Variants in FIGNL2 observed in about 807,000 individuals in gnomAD.
FIGNL2 encodes the protein fidgetin like 2.
For synonymous variants in FIGNL2, 565 were observed against 484.0 expected (o/e 1.17, Z -2.20); for missense variants, 1,060 against 950.2 (o/e 1.12, Z -1.52).
chr12:51,834,090 C>CAGACGGATGGGTGGATGGTT (rs1939532222), intron 1 of FIGNL2, among the ~76,000 whole-genome samples: 6 of 132,688 alleles, frequency 4.5e-5, no homozygotes, highest in Non-Finnish European at 8.1e-5. Context: ...GACAGACAGA[C>CAGACGGATGGGTGGATGGTT]GGATGGGTGG....
intron 1 of FIGNL2, chr12:51,847,252 G>A (rs1193429122): frequency 9.1e-6 from 9 of 985,318 alleles, no homozygotes; most frequent in Non-Finnish European, 1.1e-5. Context: ...AGGGTCAGAG[G>A]GTTTCGCACC....
intron 1 of FIGNL2, among the ~76,000 whole-genome samples, chr12:51,834,913 C>T (rs1427523354): frequency 1.3e-5 from 2 of 152,210 alleles, no homozygotes; most frequent in Non-Finnish European, 2.9e-5. Flanking sequence ...TTATTCTCCC[C>T]ATTTTATAGA....
chr12:51,824,809 C>T (rs682988), intron 1 of FIGNL2, among the ~76,000 whole-genome samples: 2 of 152,028 alleles, frequency 1.3e-5, no homozygotes, highest in African/African-American at 4.8e-5. Flanking sequence ...TTTAGGAGGC[C>T]GAGGCTGGTG....
At chr12:51,830,580 C>G (rs919880590) in intron 1 of FIGNL2, among the ~76,000 whole-genome samples, 1 of 150,168 alleles carries the variant, frequency 6.7e-6, no homozygotes, top group Non-Finnish European at 1.5e-5. Flanking sequence ...CAACCTCCCC[C>G]TCCTGAGTTC....
rs768747527 is a variant in FIGNL2 at position 51,822,134 on chromosome 12, C to T, written c.280G>A (p.Gly94Arg). ...SDASFLNGAK[G>R]DPEPWPGPEP... ...GGCCCTGGCCAGGGCTCGGGATCCC[C>T]TTTGGCGCCGTTGAGGAAGGAGGCG... is the stretch of plus-strand genomic sequence containing the variant. Residue 94 changes from glycine to arginine, a missense_variant, in exon 2 of 2, where the codon GGG becomes AGG. Coordinates refer to ENST00000618634, the MANE Select transcript of FIGNL2 (RefSeq NM_001384995.1). 2 of 1,611,126 alleles carry T rather than the reference C, an allele frequency of 1.2e-6. No homozygotes were observed. Among genetic ancestry groups the T allele is most frequent in the South Asian group, 1.1e-5 (1 of 90,490 alleles).
Position 51,820,174 on chromosome 12 carries a change from C to T in FIGNL2, c.*278G>A. 2.2e-6 allele frequency: 1 copy of T among 461,826 alleles called. No homozygotes were observed. The highest frequency in any genetic ancestry group is 3.9e-6 in the Non-Finnish European group (1 of 259,186). The allele number at this position is 461,826 out of a possible 1,614,324, so 28.6% of individuals were successfully genotyped here. A position where few individuals can be genotyped will look rare whatever the true frequency, so the allele number is the denominator to read the frequency against. On this transcript the variant is annotated 3_prime_UTR_variant, in exon 2 of 2. Coordinates refer to ENST00000618634, the MANE Select transcript of FIGNL2 (RefSeq NM_001384995.1). Reference sequence around the variant, plus strand: ...GAGTTCTTAAGGCCCCGGGTGCCAGCCCATGCCGGATCTGCCCGGTCTGCC... The same window carrying T: ...GAGTTCTTAAGGCCCCGGGTGCCAGTCCATGCCGGATCTGCCCGGTCTGCC...
intron 1 of FIGNL2, among the ~76,000 whole-genome samples, chr12:51,834,087 A>ATGGGTGGATG (rs1565946347): frequency 7.8e-6 from 1 of 128,956 alleles, no homozygotes; most frequent in African/African-American, 2.9e-5. Context: ...ATAGACAGAC[A>ATGGGTGGATG]GACGGATGGG....
At chr12:51,837,316 G>C (rs1939594525) in intron 1 of FIGNL2, among the ~76,000 whole-genome samples, 1 of 152,156 alleles carries the variant, frequency 6.6e-6, no homozygotes. Flanking sequence ...GAAGGTCCGG[G>C]GGAGCTGGGA....
intron 1 of FIGNL2, among the ~76,000 whole-genome samples, chr12:51,832,305 C>T (rs777598125): frequency 6.6e-5 from 10 of 152,174 alleles, no homozygotes; most frequent in Non-Finnish European, 1.2e-4. Flanking sequence ...GCGTGTGCCA[C>T]TGTGCCCGGC....
chr12:51,822,949 C>T (rs1012035884), intron 1 of FIGNL2, among the ~76,000 whole-genome samples: 1 of 152,220 alleles, frequency 6.6e-6, no homozygotes, highest in Non-Finnish European at 1.5e-5. Flanking sequence ...TTTGTTATTC[C>T]TAAATGCTCT....
At chr12:51,847,633 C>T (rs2139006696) in intron 1 of FIGNL2, 1 of 985,352 alleles carries the variant, frequency 1.0e-6, no homozygotes, top group Middle Eastern at 5.2e-4. Flanking sequence ...GCGCTCTCTG[C>T]CCCGCGCAGA....
At chr12:51,837,267 G>A (rs1939593937) in intron 1 of FIGNL2, among the ~76,000 whole-genome samples, 1 of 152,186 alleles carries the variant, frequency 6.6e-6, no homozygotes, top group Admixed American at 6.5e-5. Flanking sequence ...ACTACCCCAG[G>A]AGGTTGGGGG....
rs1939214292 is a variant in FIGNL2 at position 51,821,887 on chromosome 12, C to G, written c.527G>C (p.Gly176Ala). 2.2e-6 allele frequency: 3 copies of G among 1,369,784 alleles called. No homozygotes were observed. The highest frequency in any genetic ancestry group is 3.1e-5 in the African/African-American group (2 of 64,790). The allele number at this position is 1,369,784 out of a possible 1,614,324, so 84.9% of individuals were successfully genotyped here. The change falls in exon 2 of 2, where the codon GGC becomes GCC. Residue 176 changes from glycine (G) to alanine (A), a missense_variant. Coordinates refer to ENST00000618634, the MANE Select transcript of FIGNL2 (RefSeq NM_001384995.1). ...CGGGGGCGGCGGGGGCAGCGCGGCG[C>G]CCGTCTGCGCGCAGTAACCCGGCGC... ...YLAPGYCAQT[G>A]AALPPPPPAA...
At chr12:51,838,151 C>G (rs1262762637) in intron 1 of FIGNL2, 1 of 152,364 alleles carries the variant, frequency 6.6e-6, no homozygotes, top group Non-Finnish European at 1.5e-5. Flanking sequence ...TACATGTGAG[C>G]TATGTTGGAG....
At chr12:51,822,666 T>C (rs990179347) in intron 1 of FIGNL2, among the ~76,000 whole-genome samples, 1 of 152,242 alleles carries the variant, frequency 6.6e-6, no homozygotes, top group African/African-American at 2.4e-5. Flanking sequence ...GGAAATGATG[T>C]GGTTGGCCCT....
At chr12:51,823,416 A>G (rs1939268055) in intron 1 of FIGNL2, 1 of 152,236 alleles carries the variant, frequency 6.6e-6, no homozygotes, top group African/African-American at 2.4e-5. Context: ...TGTCTTAGAG[A>G]TCATAGAACT....
At chr12:51,830,695 G>C (rs1939438825) in intron 1 of FIGNL2, among the ~76,000 whole-genome samples, 1 of 151,928 alleles carries the variant, frequency 6.6e-6, no homozygotes, top group South Asian at 2.1e-4. Context: ...GTTTCACCAT[G>C]TTGGCCAGGC....
At position 51,820,271 on chromosome 12, in the gene FIGNL2, C is replaced by T. The variant is rs900493729; in HGVS notation, c.*181G>A. ...GAGTACACGGCGCATATGGCATCTG[C>T]CTGGCAGAAGCATTTTCCTTCCCAC... On this transcript the variant is annotated 3_prime_UTR_variant, in exon 2 of 2. Transcript: ENST00000618634. 5.0e-6 allele frequency: 4 copies of T among 795,430 alleles called. No individual in the cohort carries two copies. The African/African-American group carries it at 7.3e-5, about 14-fold the overall frequency. The allele number at this position is 795,430 out of a possible 1,614,324, so 49.3% of individuals were successfully genotyped here.
intron 1 of FIGNL2, among the ~76,000 whole-genome samples, chr12:51,834,728 C>T (rs918828359): frequency 2.0e-5 from 3 of 152,222 alleles, no homozygotes; most frequent in South Asian, 2.1e-4. Flanking sequence ...TGCCTGTGTC[C>T]GCGGTCAGGG....
Sources: gnomAD v4.1 joint callset for allele counts (sites outside exome capture counted in the v4.1 genomes callset) on GRCh38, gnomAD v4.1.1 for gene constraint, MANE v1.5 for transcripts, NCBI Gene and HGNC (gene_info 2026-07-23, HGNC 2026-07-21) for gene names.